The following TRNT1 variants were observed in gnomAD, a reference collection of about 807,000 sequenced individuals.
The protein encoded by TRNT1 is CCA tRNA nucleotidyltransferase 1, mitochondrial.
In TRNT1, 44 loss-of-function variants were observed where a neutral mutation model predicts 45.6. The observed-to-expected ratio is 0.97, with a 90% CI of 0.76 to 1.24. TRNT1 has a LOEUF of 1.24. Among genes scored for constraint, TRNT1 ranks in the 50% most tolerant of loss-of-function variants. The pLI, the probability that TRNT1 is intolerant of heterozygous loss-of-function variation, is 0.00. For missense variants in TRNT1, 633 were observed against 504.4 expected (o/e 1.25, Z -2.44); for synonymous variants, 201 against 171.4 (o/e 1.17, Z -1.35).
rs1575050509 is a variant in TRNT1 at position 3,137,595 on chromosome 3, C to G, written c.342+142C>G. 1.0e-5 allele frequency: 6 copies of G among 595,228 alleles called. No individual in the cohort carries two copies. The South Asian group carries it at 1.8e-4, about 18-fold the overall frequency. 36.9% of individuals were successfully genotyped at this position (595,228 alleles called of 1,614,324 possible). ...TGCCCGTCATAAACCCTGCAGTCCT[C>G]TGTTCTTGCAGCCATGTTTACTTTT... On this transcript the variant is annotated intron_variant, in intron 3 of 7. Transcript: ENST00000251607.
At chr3:3,150,984 C>T, downstream of TRNT1, 2 of 1,613,984 alleles carry the variant, frequency 1.2e-6, no homozygotes, top group Non-Finnish European at 1.7e-6. Context: ...TTTTTGGTGG[C>T]CGTAAACTTC....
chr3:3,128,598 C>CAAAAAAAAAAA (rs111647168), intron 1 of TRNT1, among the ~76,000 whole-genome samples: 1 of 96,094 alleles, frequency 1.0e-5, no homozygotes, highest in Non-Finnish European at 1.8e-5. Context: ...GACTCCATCT[C>CAAAAAAAAAAA]AAAAAAAAAA....
chr3:3,151,286 A>G (rs1035501472), downstream of TRNT1, among the ~76,000 whole-genome samples: 7 of 152,210 alleles, frequency 4.6e-5, no homozygotes, highest in African/African-American at 1.2e-4. Context: ...TACTGCATAG[A>G]AATAAAGAGT....
At chr3:3,144,196 A>G (rs1281410868) in intron 4 of TRNT1, among the ~76,000 whole-genome samples, 2 of 152,178 alleles carry the variant, frequency 1.3e-5, no homozygotes, top group Admixed American at 1.3e-4. Context: ...AGATTCCAAG[A>G]TTAAAAATAT....
Position 3,147,898 on chromosome 3 carries a change from ACACG to A in TRNT1, c.1057-7_1057-4del, listed in dbSNP as rs1300499673. The stretch of plus-strand genomic sequence containing the variant: ...TGACGAAACTAAATGTTTGATTTTG[ACACG>A]TAGTCTAGGGAACCTGATGCAACTA... On this transcript the variant is annotated splice_polypyrimidine_tract_variant and splice_region_variant and intron_variant, in intron 7 of 7. Transcript: ENST00000251607. 6.2e-7 allele frequency: 1 copy of A among 1,601,646 alleles called. No individual in the cohort carries two copies. Among genetic ancestry groups the A allele is most frequent in the Non-Finnish European group, 8.5e-7 (1 of 1,174,108 alleles).
chr3:3,138,231 GTCTGAAAATGTTTT>G, intron 3 of TRNT1, among the ~76,000 whole-genome samples: 1 of 152,198 alleles, frequency 6.6e-6, no homozygotes, highest in East Asian at 1.9e-4. Context: ...AGCCTTACAC[GTCTGAAAATGTTTT>G]TATTTCACCT....
intron 2 of TRNT1, chr3:3,136,853 T>A (rs1705360921): frequency 3.3e-6 from 1 of 306,152 alleles, no homozygotes; most frequent in African/African-American, 2.2e-5. Context: ...AGTCTTGCTC[T>A]TTGCCCAGGC....
chr3:3,133,517 C>G (rs1243442227), intron 2 of TRNT1, among the ~76,000 whole-genome samples: 1 of 151,484 alleles, frequency 6.6e-6, no homozygotes. Context: ...GTGGTGGTGC[C>G]ACTGCACTCC....
At position 3,129,587 on chromosome 3, in the gene TRNT1, AAG is replaced by A. The variant is rs1421566205; in HGVS notation, c.148+403_148+404del. The A allele has an allele frequency of 6.5e-6, 3 of 462,820 alleles. No homozygotes were observed. The Admixed American group carries it at 1.1e-4, about 17-fold the overall frequency. 28.7% of individuals were successfully genotyped at this position (462,820 alleles called of 1,614,324 possible). A position where few individuals can be genotyped will look rare whatever the true frequency, so the allele number is the denominator to read the frequency against. The stretch of plus-strand genomic sequence containing the variant: ...ACAGAGTGAGACCCTGTCTCAAAAA[AAG>A]AGAAAGGAATATTAAAAGAGAAAGG... On this transcript the variant is annotated intron_variant, in intron 2 of 7. Coordinates refer to ENST00000251607, the MANE Select transcript of TRNT1 (RefSeq NM_182916.3).
chr3:3,149,413 G>A (rs1242171128), downstream of TRNT1: 3 of 151,858 alleles, frequency 2.0e-5, no homozygotes, highest in Non-Finnish European at 4.4e-5. Flanking sequence ...TTCAGTAGTA[G>A]TATAGTATAT....
chr3:3,142,956 C>G (rs970156702), intron 4 of TRNT1, among the ~76,000 whole-genome samples: 1 of 152,176 alleles, frequency 6.6e-6, no homozygotes, highest in African/African-American at 2.4e-5. Flanking sequence ...GCATATAAAA[C>G]TATTAACAGC....
intron 4 of TRNT1, among the ~76,000 whole-genome samples, chr3:3,144,006 A>G (rs2126029989): frequency 6.6e-6 from 1 of 152,342 alleles, no homozygotes; most frequent in South Asian, 2.1e-4. Context: ...CATTTTTAAA[A>G]TATGGACTTA....
intron 3 of TRNT1, 113 bp from the exon 4 acceptor site, chr3:3,140,395 ACT>A: frequency 1.1e-6 from 1 of 946,422 alleles, no homozygotes; most frequent in Non-Finnish European, 1.6e-6. Context: ...AAAGACTATA[ACT>A]GTCAGGGCTT....
Position 3,144,643 on chromosome 3 carries a change from G to C in TRNT1, c.541G>C (p.Val181Leu). ...TTATGAAGATTTAAAAAATAAGAAA[G>C]TTAGATTTGTTGGACATGCTAAACA... ...NGYEDLKNKK[V>L]RFVGHAKQRI... The change falls in exon 5 of 8, where the codon GTT becomes CTT. Residue 181 changes from valine (V) to leucine (L), a missense_variant. Coordinates refer to ENST00000251607, the MANE Select transcript of TRNT1 (RefSeq NM_182916.3). 6.3e-7 allele frequency: 1 copy of C among 1,584,462 alleles called. No individual in the cohort carries two copies. The highest frequency in any genetic ancestry group is 1.1e-5 in the South Asian group (1 of 89,224).
Position 3,148,328 on chromosome 3 carries a change from C to T in TRNT1, c.*174C>T, listed in dbSNP as rs911025605. ...ATTTCAAGAACTAAACAGAGATCCA[C>T]CTTTCTGGATCTGATTTATATCACT... On this transcript the variant is annotated 3_prime_UTR_variant, in exon 8 of 8. Transcript: ENST00000251607. 1.6e-6 allele frequency: 1 copy of T among 622,098 alleles called. No individual in the cohort carries two copies. Among genetic ancestry groups the T allele is most frequent in the Non-Finnish European group, 2.7e-6 (1 of 372,774 alleles). 38.5% of individuals were successfully genotyped at this position (622,098 alleles called of 1,614,324 possible).
At chr3:3,145,502 C>CAAAA (rs5846248) in intron 5 of TRNT1, 9 of 88,360 alleles carry the variant, frequency 1.0e-4, no homozygotes, top group African/African-American at 1.6e-4. Flanking sequence ...GACTCCATCT[C>CAAAA]AAAAAAAAAA....
At chr3:3,142,277 CA>C (rs1452783091) in intron 4 of TRNT1, among the ~76,000 whole-genome samples, 1 of 152,188 alleles carries the variant, frequency 6.6e-6, no homozygotes, top group Non-Finnish European at 1.5e-5. Flanking sequence ...TTGGTACTAT[CA>C]TTTTCTGACA....
chr3:3,152,562 C>T (rs767480825), downstream of TRNT1: 2 of 1,614,096 alleles, frequency 1.2e-6, no homozygotes, highest in Non-Finnish European at 1.7e-6. Context: ...TTCACATAAG[C>T]TGCCATCGGC....
chr3:3,148,488 T>C lies in TRNT1; in HGVS notation c.*334T>C, dbSNP rs147416562. On this transcript the variant is annotated 3_prime_UTR_variant, in exon 8 of 8. Transcript: ENST00000251607. Reference sequence around the variant, plus strand: ...CTAAGATCTTAAAAAGTGGTAACTGTCTTGAAGAAAAAACGTTTATTGTTT... The same window carrying C: ...CTAAGATCTTAAAAAGTGGTAACTGCCTTGAAGAAAAAACGTTTATTGTTT... The C allele has an allele frequency of 0.011, 1,801 of 167,314 alleles. 31 individuals carry two copies. Among genetic ancestry groups the C allele is most frequent in the Middle Eastern group, 0.025 (9 of 358 alleles). 10.4% of individuals were successfully genotyped at this position (167,314 alleles called of 1,614,324 possible).
Sources: allele counts gnomAD v4.1 joint callset (sites outside exome capture counted in the v4.1 genomes callset), GRCh38; gene constraint gnomAD v4.1.1; transcripts MANE v1.5; gene names NCBI Gene and HGNC (gene_info 2026-07-23, HGNC 2026-07-21).